The following ACE variants were observed in gnomAD, a reference collection of about 807,000 sequenced individuals.
ACE encodes angiotensin-converting enzyme.
ACE carries 122 observed loss-of-function variants against 162.3 expected under a neutral mutation model. The ratio of observed to expected loss-of-function variants is 0.75; its 90% CI spans 0.65 to 0.87. ACE has a LOEUF of 0.87. Ranked by LOEUF, ACE falls within the 40% of genes least tolerant of loss-of-function variation. ACE has a pLI of 0.00. For synonymous variants in ACE, 796 were observed against 720.6 expected (o/e 1.10, Z -1.68); for missense variants, 1,799 against 1,735.1 (o/e 1.04, Z -0.65).
Position 63,477,666 on chromosome 17 carries a change from A to T in ACE, c.250-265A>T, listed in dbSNP as rs1042619812. The T allele has an allele frequency of 1.2e-4, 58 of 503,666 alleles. No homozygotes were observed. The East Asian group carries it at 1.6e-3, about 14-fold the overall frequency. The allele number at this position is 503,666 out of a possible 1,614,324, so 31.2% of individuals were successfully genotyped here. On this transcript the variant is annotated intron_variant, in intron 1 of 24. Coordinates refer to ENST00000290866, the MANE Select transcript of ACE (RefSeq NM_000789.4). ...TCCGGACGCTGTCGCTGTCACCGTC[A>T]CCGCACTGCACTGTCCATCCACCCT...
At position 63,484,109 on chromosome 17, in the gene ACE, C is replaced by T. The variant is rs1349389640; in HGVS notation, c.1709+138C>T. 9.2e-6 allele frequency: 13 copies of T among 1,409,652 alleles called. No individual in the cohort carries two copies. The highest frequency in any genetic ancestry group is 2.1e-5 in the Admixed American group (1 of 48,442). The allele number at this position is 1,409,652 out of a possible 1,614,324, so 87.3% of individuals were successfully genotyped here. On this transcript the variant is annotated intron_variant, in intron 11 of 24. Transcript: ENST00000290866. This position sits in a 1 kb window ranked among gnomAD's most constrained non-coding sequence, Gnocchi z 4.0. ...GGACTGATGTGGATGCCTGTCTCCTCGCTATGTCATCAAATATTTATTGAG... is the reference window on the plus strand; with the variant it reads ...GGACTGATGTGGATGCCTGTCTCCTTGCTATGTCATCAAATATTTATTGAG...
Position 63,497,924 on chromosome 17 carries a change from C to A in ACE, c.*558C>A, listed in dbSNP as rs1321445998. 2 of 216,402 alleles carry A rather than the reference C, an allele frequency of 9.2e-6. No homozygotes were observed. The highest frequency in any genetic ancestry group is 1.4e-4 in the East Asian group (1 of 7,258). 13.4% of individuals were successfully genotyped at this position (216,402 alleles called of 1,614,324 possible). The stretch of plus-strand genomic sequence containing the variant: ...CCTCACATTTCCACTGGCAGTGGAG[C>A]CTTTCCCTGCTCCACAAATGGCCAG... On this transcript the variant is annotated 3_prime_UTR_variant, in exon 25 of 25. Transcript: ENST00000290866.
chr17:63,492,824 C>T (rs1599153473), intron 19 of ACE, among the ~76,000 whole-genome samples: 1 of 152,142 alleles, frequency 6.6e-6, no homozygotes, highest in East Asian at 1.9e-4. Context: ...GGGTTCGAGA[C>T]CATCCTGGGC....
rs140280723 is a variant in ACE at position 63,496,903 on chromosome 17, G to A, written c.3609G>A (p.Pro1203=). The part of the protein sequence containing the change: ...SASAMLSYFK[P]LLDWLRTENE... ...CGGCCATGTTGAGCTACTTCAAGCC[G>A]CTGCTGGACTGGCTCCGCACGGAGA... Residue 1203 remains proline (P), a synonymous_variant, in exon 24 of 25, where the codon CCG becomes CCA. Transcript: ENST00000290866. 2.0e-5 allele frequency: 32 copies of A among 1,613,752 alleles called. No individual in the cohort carries two copies. Among genetic ancestry groups the A allele is most frequent in the East Asian group, 4.5e-5 (2 of 44,882 alleles).
At chr17:63,485,407 T>C in intron 13 of ACE, 35 bp downstream of exon 13, 4 of 1,613,310 alleles carry the variant, frequency 2.5e-6, no homozygotes, top group Non-Finnish European at 3.4e-6. Context: ...AACCTGAGCA[T>C]GTGCATACAC....
chr17:63,480,672 C>A, intron 5 of ACE, 144 bp downstream of exon 5: 2 of 949,176 alleles, frequency 2.1e-6, no homozygotes, highest in Non-Finnish European at 3.3e-6. Context: ...GCTTCACATG[C>A]AGGAGACCAT....
In ACE at chr17:63,491,170, C is replaced by A. The variant is rs529992538; in HGVS notation, c.2740-39C>A. On this transcript the variant is annotated intron_variant, in intron 18 of 24. Coordinates refer to ENST00000290866, the MANE Select transcript of ACE (RefSeq NM_000789.4). This position sits in a 1 kb window ranked among gnomAD's most constrained non-coding sequence, Gnocchi z 4.4. ...CCCACGGCAGCACGCAGTCTGTCCC[C>A]GGAACCCCCAGTTTGGGCAGAACTC... 1.2e-6 allele frequency: 2 copies of A among 1,612,902 alleles called. No individual in the cohort carries two copies. Among genetic ancestry groups the A allele is most frequent in the Admixed American group, 1.7e-5 (1 of 60,014 alleles).
intron 15 of ACE, among the ~76,000 whole-genome samples, chr17:63,488,236 G>C (rs563118994): frequency 6.6e-6 from 1 of 152,104 alleles, no homozygotes; most frequent in Non-Finnish European, 1.5e-5. Flanking sequence ...GTGCATGCCT[G>C]TAGTCCTAGC....
rs748284095 is a variant in ACE at position 63,496,878 on chromosome 17, C to T, written c.3584C>T (p.Ser1195Leu). The change falls in exon 24 of 25, where the codon TCG (serine) becomes TTG (leucine). Residue 1195 changes from serine (S) to leucine (L), a missense_variant. Coordinates refer to ENST00000290866, the MANE Select transcript of ACE (RefSeq NM_000789.4). ...ACGGGCCAGCCCAACATGAGCGCCT[C>T]GGCCATGTTGAGCTACTTCAAGCCG... Reference protein sequence around the residue: ...LITGQPNMSASAMLSYFKPLL... With the variant: ...LITGQPNMSALAMLSYFKPLL... 26 of 1,613,546 alleles carry T rather than the reference C, an allele frequency of 1.6e-5. No individual in the cohort carries two copies. Among genetic ancestry groups the T allele is most frequent in the Admixed American group, 8.3e-5 (5 of 60,008 alleles).
At chr17:63,481,941 C>T (rs1336116346) in intron 7 of ACE, among the ~76,000 whole-genome samples, 1 of 152,130 alleles carries the variant, frequency 6.6e-6, no homozygotes, top group Non-Finnish European at 1.5e-5. Context: ...CAAATAGTCA[C>T]TTCTATACCT....
chr17:63,488,010 A>G (rs2030082664), intron 15 of ACE, among the ~76,000 whole-genome samples: 1 of 152,138 alleles, frequency 6.6e-6, no homozygotes, highest in Non-Finnish European at 1.5e-5. Context: ...CAAGGTGAGT[A>G]GATCACTTGA....
At chr17:63,482,379 TC>T (rs1190378570) in intron 7 of ACE, 86 bp from the exon 8 acceptor site, 1 of 1,220,282 alleles carries the variant, frequency 8.2e-7, no homozygotes, top group Non-Finnish European at 1.2e-6. Context: ...CTCATTCCTG[TC>T]TTTCAGGTGC....
chr17:63,486,211 C>T (rs1285955803), intron 13 of ACE: 4 of 370,416 alleles, frequency 1.1e-5, no homozygotes, highest in Non-Finnish European at 2.1e-5. Flanking sequence ...GAGCTTATTC[C>T]CATTTTACAG....
At chr17:63,485,786 A>AC (rs1475421449) in intron 13 of ACE, 1 of 238,038 alleles carries the variant, frequency 4.2e-6, no homozygotes, top group Non-Finnish European at 8.3e-6. Flanking sequence ...AAAAAAAAAA[A>AC]AAAAAACTCA....
At position 63,483,062 on chromosome 17, in the gene ACE, T is replaced by C; in HGVS notation, c.1376T>C (p.Leu459Pro). ...ATCAATTACTTGCTAAAAATGGCAC[T>C]GGAAAAAATTGCCTTCCTGCCCTTT... ...SDINYLLKMALEKIAFLPFGY... is the reference protein window; with the variant it reads ...SDINYLLKMAPEKIAFLPFGY... The change falls in exon 9 of 25, where the codon CTG becomes CCG. Residue 459 changes from leucine (L) to proline (P), a missense_variant. Physicochemically the swap from Leu to Pro is moderately conservative, Grantham distance 98. Coordinates refer to ENST00000290866, the MANE Select transcript of ACE (RefSeq NM_000789.4). The C allele has an allele frequency of 6.2e-7, 1 of 1,614,202 alleles. No homozygotes were observed. The highest frequency in any genetic ancestry group is 8.5e-7 in the Non-Finnish European group (1 of 1,180,026).
Position 63,483,073 on chromosome 17 carries a change from GC to G in ACE, c.1389del (p.Phe464SerfsTer61), listed in dbSNP as rs753436653. On this transcript the variant is annotated frameshift_variant, in exon 9 of 25. Coordinates refer to ENST00000290866, the MANE Select transcript of ACE (RefSeq NM_000789.4). LOFTEE classifies it high-confidence loss of function. ...YLLKMALEKI[A>X]FLPFGYLVDQ... ...GCTAAAAATGGCACTGGAAAAAATT[GC>G]CTTCCTGCCCTTTGGCTACTTGGTG... 1.9e-6 allele frequency: 3 copies of G among 1,614,098 alleles called. No homozygotes were observed. In the South Asian group the frequency reaches 3.3e-5, roughly 18 times the overall value.
In ACE at chr17:63,494,465, C is replaced by T. The variant is rs1396260507; in HGVS notation, c.3375C>T (p.Tyr1125=). The T allele has an allele frequency of 4.3e-6, 7 of 1,613,528 alleles. No homozygotes were observed. Among genetic ancestry groups the T allele is most frequent in the African/African-American group, 1.3e-5 (1 of 74,918 alleles). The part of the protein sequence containing the change: ...AKFHIPSSVP[Y]IRYFVSFIIQ... ...TCCACATTCCTTCTAGCGTGCCTTA[C>T]ATCAGGTAACGGGAAAGGCAGGAGG... The change falls in exon 22 of 25, where the codon TAC becomes TAT. Residue 1125 remains tyrosine, a synonymous_variant. Transcript: ENST00000290866.
intron 8 of ACE, among the ~76,000 whole-genome samples, 168 bp downstream of exon 8, chr17:63,482,857 C>T (rs945553115): frequency 6.6e-6 from 1 of 152,152 alleles, no homozygotes; most frequent in African/African-American, 2.4e-5. Context: ...CTGCGCCCAG[C>T]TCAGCACACC....
At chr17:63,493,721 G>T (rs2030540785) in intron 20 of ACE, 62 bp downstream of exon 20, 3 of 1,578,712 alleles carry the variant, frequency 1.9e-6, no homozygotes, top group Non-Finnish European at 2.6e-6. Context: ...GAGCTTGGGA[G>T]GTGGGAAAGG....
Sources: allele counts gnomAD v4.1 joint callset (sites outside exome capture counted in the v4.1 genomes callset), GRCh38; gene constraint gnomAD v4.1.1; non-coding constraint Gnocchi (gnomAD v3.1); transcripts MANE v1.5; gene names NCBI Gene and HGNC (gene_info 2026-07-23, HGNC 2026-07-21).